CCDC73: variants seen among roughly 807,000 people sequenced by gnomAD.
CCDC73 encodes the protein coiled-coil domain containing 73, also known as coiled-coil domain-containing protein 73.
A neutral mutation model predicts 116.5 loss-of-function variants in CCDC73; 95 were observed. That is an observed-to-expected ratio of 0.82 (90% CI 0.69 to 0.97). CCDC73 has a LOEUF of 0.97. Among genes scored for constraint, CCDC73 ranks in the 50% least tolerant of loss-of-function variants. The pLI, the probability that CCDC73 is intolerant of heterozygous loss-of-function variation, is 0.00. For synonymous variants in CCDC73, 398 were observed against 401.3 expected (o/e 0.99, Z 0.10); for missense variants, 1,066 against 1,206.8 (o/e 0.88, Z 1.73).
chr11:32,801,067 G>A, the CCDC73 span, among the ~76,000 whole-genome samples: 8 of 152,114 alleles, frequency 5.3e-5, no homozygotes, highest in African/African-American at 1.4e-4. Context: ...TATAGGCAGC[G>A]AGATTGCTTT....
At chr11:32,678,610 T>C (rs755010161) in intron 7 of CCDC73, among the ~76,000 whole-genome samples, 1 of 151,866 alleles carries the variant, frequency 6.6e-6, no homozygotes, top group African/African-American at 2.4e-5. Context: ...AAGGGCTGGG[T>C]CATGGTGGCT....
At chr11:32,645,838 C>T (rs139597577) in intron 12 of CCDC73, among the ~76,000 whole-genome samples, 303 of 152,180 alleles carry the variant, frequency 2.0e-3, no homozygotes, top group African/African-American at 6.9e-3. Context: ...GAATTTTTAC[C>T]TCCATTATAA....
At chr11:32,782,630 G>T (rs912780773) in intron 1 of CCDC73, among the ~76,000 whole-genome samples, 1 of 152,138 alleles carries the variant, frequency 6.6e-6, no homozygotes, top group Non-Finnish European at 1.5e-5. Context: ...AATTTTAAAA[G>T]CCAATTCAGA....
intron 14 of CCDC73, among the ~76,000 whole-genome samples, chr11:32,617,512 T>C (rs1042385852): frequency 1.3e-5 from 2 of 152,198 alleles, no homozygotes; most frequent in East Asian, 1.9e-4. Context: ...AAACACTAAA[T>C]TAAAGGGAGA....
intron 1 of CCDC73, 96 bp from the exon 2 acceptor site, chr11:32,760,354 A>G: frequency 1.4e-6 from 1 of 695,798 alleles, no homozygotes; most frequent in Non-Finnish European, 2.4e-6. Context: ...GTATCCCATA[A>G]TCCTCCAATT....
intron 1 of CCDC73, among the ~76,000 whole-genome samples, chr11:32,767,654 G>T (rs1397002831): frequency 6.6e-6 from 1 of 152,136 alleles, no homozygotes; most frequent in Non-Finnish European, 1.5e-5. Flanking sequence ...ATCATAAAGT[G>T]GGCAAAGGAT....
chr11:32,656,699 C>T (rs1855876967), intron 9 of CCDC73, among the ~76,000 whole-genome samples: 1 of 152,200 alleles, frequency 6.6e-6, no homozygotes, highest in African/African-American at 2.4e-5. Flanking sequence ...GTCTTGGATA[C>T]TGCATAGCCT....
intron 2 of CCDC73, among the ~76,000 whole-genome samples, chr11:32,734,718 A>C (rs1305105654): frequency 6.6e-6 from 1 of 152,178 alleles, no homozygotes; most frequent in Non-Finnish European, 1.5e-5. Context: ...CACAACAAAA[A>C]AAGAGAATTT....
intron 1 of CCDC73, among the ~76,000 whole-genome samples, chr11:32,772,366 C>A (rs968202445): frequency 2.6e-5 from 4 of 151,762 alleles, no homozygotes; most frequent in African/African-American, 7.3e-5. Flanking sequence ...GGGGACTGTT[C>A]TAGATTAAAG....
At chr11:32,687,849 A>G (rs554945083) in intron 6 of CCDC73, among the ~76,000 whole-genome samples, 1 of 152,136 alleles carries the variant, frequency 6.6e-6, no homozygotes, top group Non-Finnish European at 1.5e-5. Flanking sequence ...CAGGTAAAGT[A>G]TGAGGTGATC....
At chr11:32,698,906 T>C (rs1409108046) in intron 6 of CCDC73, among the ~76,000 whole-genome samples, 1 of 152,192 alleles carries the variant, frequency 6.6e-6, no homozygotes, top group African/African-American at 2.4e-5. Flanking sequence ...ACTTAGCACA[T>C]AGCAAAAATT....
chr11:32,799,458 G>A (rs61889460), upstream of CCDC73, among the ~76,000 whole-genome samples: 750 of 151,566 alleles, frequency 4.9e-3, 9 homozygotes, highest in Non-Finnish European at 8.8e-3. Flanking sequence ...TCGAACTCCT[G>A]AGCATAAACC....
At chr11:32,767,409 G>A in intron 1 of CCDC73, among the ~76,000 whole-genome samples, 1 of 152,158 alleles carries the variant, frequency 6.6e-6, no homozygotes, top group Non-Finnish European at 1.5e-5. Context: ...ACATAGGCAT[G>A]GGCAAGGACT....
At chr11:32,667,707 TG>T (rs1855999605) in intron 9 of CCDC73, among the ~76,000 whole-genome samples, 1 of 152,168 alleles carries the variant, frequency 6.6e-6, no homozygotes, top group Admixed American at 6.6e-5. Context: ...GAGATGAACC[TG>T]GTACCTCAGT....
the CCDC73 span, among the ~76,000 whole-genome samples, chr11:32,801,275 A>G: frequency 6.6e-6 from 1 of 152,218 alleles, no homozygotes; most frequent in Non-Finnish European, 1.5e-5. Context: ...TGGCTGGCTT[A>G]TATAAATCAA....
At chr11:32,730,310 G>C (rs1217319281) in intron 2 of CCDC73, among the ~76,000 whole-genome samples, 1 of 152,094 alleles carries the variant, frequency 6.6e-6, no homozygotes, top group Non-Finnish European at 1.5e-5. Flanking sequence ...CTATAGCTCT[G>C]TCTTTTCCAG....
intron 1 of CCDC73, among the ~76,000 whole-genome samples, chr11:32,782,109 G>A (rs866138207): frequency 2.0e-5 from 3 of 152,190 alleles, no homozygotes; most frequent in South Asian, 2.1e-4. Flanking sequence ...TCTAATGCAT[G>A]ATGATCTGTC....
rs750169936 is a variant in CCDC73 at position 32,613,694 on chromosome 11, C to T, written c.2624G>A (p.Gly875Glu). 6.2e-7 allele frequency: 1 copy of T among 1,614,068 alleles called. No individual in the cohort carries two copies. The highest frequency in any genetic ancestry group is 8.5e-7 in the Non-Finnish European group (1 of 1,179,998). ...ESHSFHIEPS[G>E]DLVNRSGRST... ...CCTTCCGCTTCTGTTTACTAAATCTCCAGATGGCTCTATGTGAAATGAATG... is the reference window on the plus strand; with the variant it reads ...CCTTCCGCTTCTGTTTACTAAATCTTCAGATGGCTCTATGTGAAATGAATG... The change falls in exon 16 of 18, where the codon GGA becomes GAA. Residue 875 changes from glycine (G) to glutamate (E), a missense_variant. Transcript: ENST00000335185.
chr11:32,653,855 A>G, intron 11 of CCDC73, 123 bp downstream of exon 11: 2 of 1,101,222 alleles, frequency 1.8e-6, no homozygotes, highest in Non-Finnish European at 2.5e-6. Context: ...AAGTATACAC[A>G]TGTACATTTA....
Sources: gnomAD v4.1 joint callset for allele counts (sites outside exome capture counted in the v4.1 genomes callset) on GRCh38, gnomAD v4.1.1 for gene constraint, MANE v1.5 for transcripts, NCBI Gene and HGNC (gene_info 2026-07-23, HGNC 2026-07-21) for gene names.